METAP1: variants seen among roughly 807,000 people sequenced by gnomAD.
METAP1 encodes the protein methionyl aminopeptidase 1.
METAP1 carries 28 observed loss-of-function variants against 53.8 expected under a neutral mutation model. The ratio of observed to expected loss-of-function variants is 0.52; its 90% CI spans 0.39 to 0.71. The LOEUF is 0.71. Among genes scored for constraint, METAP1 ranks in the 30% least tolerant of loss-of-function variants. The pLI is 0.00. For synonymous variants in METAP1, 181 were observed against 165.7 expected (o/e 1.09, Z -0.71); for missense variants, 389 against 479.8 (o/e 0.81, Z 1.77).
At chr4:99,060,519 A>T (rs1727471461) in intron 10 of METAP1, among the ~76,000 whole-genome samples, 1 of 151,144 alleles carries the variant, frequency 6.6e-6, no homozygotes, top group African/African-American at 2.4e-5. Flanking sequence ...GCCCAACACC[A>T]TGCCCGGGTG....
chr4:99,039,585 CTTT>C (rs372906038), intron 5 of METAP1, 120 bp downstream of exon 5: 273 of 436,488 alleles, frequency 6.3e-4, no homozygotes, highest in East Asian at 8.6e-4. Context: ...ACCAGCCATG[CTTT>C]TTTTTTTTTT....
At chr4:98,998,179 C>T (rs1722728494) in intron 1 of METAP1, among the ~76,000 whole-genome samples, 1 of 152,198 alleles carries the variant, frequency 6.6e-6, no homozygotes, top group African/African-American at 2.4e-5. Context: ...AGCTTGAGAC[C>T]TTGATCAAGT....
At chr4:99,060,321 T>A (rs1487656420) in intron 10 of METAP1, among the ~76,000 whole-genome samples, 2 of 151,526 alleles carry the variant, frequency 1.3e-5, no homozygotes, top group Non-Finnish European at 1.5e-5. Flanking sequence ...TTTTGACTAC[T>A]GTACTCTACC....
Position 99,028,683 on chromosome 4 carries a change from G to T in METAP1, c.115-184G>T, listed in dbSNP as rs112606697. On this transcript the variant is annotated intron_variant, in intron 1 of 10. Coordinates refer to ENST00000296411, the MANE Select transcript of METAP1 (RefSeq NM_015143.3). ...GCTTATTTGAAATAAAGTTTAGGTT[G>T]CTTTTTGAAGTGAATATTGAACAGG... 2.7e-3 allele frequency among the ~76,000 whole-genome samples: 411 copies of T among 152,194 alleles called. 4 individuals are homozygous for T. Among genetic ancestry groups the T allele is most frequent in the African/African-American group, 9.4e-3 (389 of 41,528 alleles).
chr4:99,003,941 C>T (rs1275965497), intron 1 of METAP1, among the ~76,000 whole-genome samples: 1 of 152,222 alleles, frequency 6.6e-6, no homozygotes, highest in African/African-American at 2.4e-5. Flanking sequence ...TGTTCAGACA[C>T]CAGTCACGAG....
intron 2 of METAP1, chr4:99,031,688 T>A (rs1448297266): frequency 1.1e-6 from 1 of 888,010 alleles, no homozygotes; most frequent in Non-Finnish European, 1.6e-6. Flanking sequence ...CTAATAATCA[T>A]CTCTGGAAGA....
intron 1 of METAP1, chr4:99,022,920 C>A (rs149800850): frequency 4.7e-6 from 7 of 1,501,664 alleles, no homozygotes; most frequent in Admixed American, 3.9e-5. Context: ...CGCATCTGAC[C>A]TCACCATAGG....
chr4:99,000,138 T>G (rs1722852572), intron 1 of METAP1, among the ~76,000 whole-genome samples: 1 of 152,206 alleles, frequency 6.6e-6, no homozygotes, highest in Non-Finnish European at 1.5e-5. Context: ...AAACACTGAA[T>G]AGTATAGTAT....
intron 1 of METAP1, among the ~76,000 whole-genome samples, chr4:99,004,446 T>TACACACAC (rs1189663861): frequency 2.5e-5 from 2 of 80,008 alleles, no homozygotes; most frequent in Non-Finnish European, 7.4e-5. Flanking sequence ...TGTGGACAGA[T>TACACACAC]ACACACACAC....
At chr4:99,039,182 T>G in intron 4 of METAP1, 192 bp from the exon 5 acceptor site, 1 of 423,514 alleles carries the variant, frequency 2.4e-6, no homozygotes, top group Non-Finnish European at 4.2e-6. Flanking sequence ...TTTCTTCAGT[T>G]GGTTTAGCGA....
intron 4 of METAP1, 137 bp from the exon 5 acceptor site, chr4:99,039,237 T>A: frequency 3.6e-6 from 2 of 559,468 alleles, no homozygotes; most frequent in Non-Finnish European, 6.3e-6. Flanking sequence ...AAATCTAACC[T>A]AGACCATCCC....
intron 1 of METAP1, among the ~76,000 whole-genome samples, chr4:99,025,676 G>T (rs1308606305): frequency 1.3e-5 from 2 of 152,246 alleles, no homozygotes; most frequent in East Asian, 3.9e-4. Flanking sequence ...TCCCTCCTTG[G>T]CCAGGGCACT....
intron 1 of METAP1, among the ~76,000 whole-genome samples, chr4:99,001,339 TAAAAC>T (rs1205974088): frequency 6.6e-6 from 1 of 152,220 alleles, no homozygotes; most frequent in Non-Finnish European, 1.5e-5. Flanking sequence ...TGAGTCTTTT[TAAAAC>T]AAAACAAAAA....
rs1724595811 is a variant in METAP1, at chr4:99,026,788, C to T, written c.115-2079C>T. On this transcript the variant is annotated intron_variant, in intron 1 of 10. Transcript: ENST00000296411. ...TAGGAGATGTGGGAATATTTTGACA[C>T]CATTAATGATGTTGAAGACCATGAC... The T allele has an allele frequency of 7.1e-6, 7 of 985,010 alleles. No homozygotes were observed. The South Asian group carries it at 2.8e-4, about 40-fold the overall frequency. 61.0% of individuals were successfully genotyped at this position (985,010 alleles called of 1,614,324 possible).
At chr4:99,057,299 G>A (rs1473016775) in intron 9 of METAP1, among the ~76,000 whole-genome samples, 5 of 152,178 alleles carry the variant, frequency 3.3e-5, no homozygotes, top group Non-Finnish European at 5.9e-5. Flanking sequence ...GCAAACACAT[G>A]CTTACCCCCC....
rs573310508 is a variant in METAP1 at position 99,011,962 on chromosome 4, C to T, written c.114+16095C>T. 2.5e-4 allele frequency among the ~76,000 whole-genome samples: 38 copies of T among 152,218 alleles called. No individual in the cohort carries two copies. In the Middle Eastern group the frequency reaches 0.02, roughly 82 times the overall value. ...TCTCAAAAAACAAAACAAAACAAAA[C>T]AAAACAAAATGAGCTTGGAAGTTTT... On this transcript the variant is annotated intron_variant, in intron 1 of 10. Coordinates refer to ENST00000296411, the MANE Select transcript of METAP1 (RefSeq NM_015143.3).
chr4:99,060,818 TTGATACATATAA>T (rs1393249859), intron 10 of METAP1, among the ~76,000 whole-genome samples: 2 of 152,200 alleles, frequency 1.3e-5, no homozygotes. Context: ...TAGTGATGCT[TTGATACATATAA>T]TGATACATAT....
Position 99,061,459 on chromosome 4 carries a change from G to A in METAP1, c.*142G>A. 2.8e-6 allele frequency: 2 copies of A among 703,932 alleles called. No homozygotes were observed. Among genetic ancestry groups the A allele is most frequent in the Non-Finnish European group, 2.2e-6 (1 of 460,378 alleles). The allele number at this position is 703,932 out of a possible 1,614,324, so 43.6% of individuals were successfully genotyped here. On this transcript the variant is annotated 3_prime_UTR_variant, in exon 11 of 11. Transcript: ENST00000296411. ...GAAAGGACTACAGCATTTGATGTGT[G>A]TCCTCAAGAACTTGTCTTGGGTCTG...
chr4:99,026,208 T>G, intron 1 of METAP1: 1 of 984,952 alleles, frequency 1.0e-6, no homozygotes, highest in Non-Finnish European at 1.2e-6. Flanking sequence ...CATAAGCTCC[T>G]AAATTTAGTA....
Sources: gnomAD v4.1 joint callset for allele counts (sites outside exome capture counted in the v4.1 genomes callset) on GRCh38, gnomAD v4.1.1 for gene constraint, MANE v1.5 for transcripts, NCBI Gene and HGNC (gene_info 2026-07-23, HGNC 2026-07-21) for gene names.